The following GNE variants were observed in gnomAD, a reference collection of about 807,000 sequenced individuals.
GNE encodes the protein glucosamine (UDP-N-acetyl)-2-epimerase/N-acetylmannosamine kinase.
A neutral mutation model predicts 61.8 loss-of-function variants in GNE; 41 were observed. The observed-to-expected ratio is 0.66, with a 90% CI of 0.52 to 0.86. GNE has a LOEUF of 0.86. Among genes scored for constraint, GNE ranks in the 40% least tolerant of loss-of-function variants. GNE has a pLI of 0.00. For synonymous variants in GNE, 264 were observed against 326.4 expected, an observed-to-expected ratio of 0.81 and a Z score of 2.06; for missense variants, 608 against 909.1, an observed-to-expected ratio of 0.67 and a Z score of 4.26.
At chr9:36,220,080 C>T in intron 9 of GNE, 60 bp from the exon 10 acceptor site, 1 of 1,317,602 alleles carries the variant, frequency 7.6e-7, no homozygotes, top group African/African-American at 1.4e-5. Flanking sequence ...ACTATGATAT[C>T]ACAACGCCTC....
intron 5 of GNE, among the ~76,000 whole-genome samples, chr9:36,233,477 T>C (rs1829259295): frequency 6.6e-6 from 1 of 152,064 alleles, no homozygotes; most frequent in Non-Finnish European, 1.5e-5. Flanking sequence ...CCATCCTGGC[T>C]AACAAAGTGA....
At chr9:36,272,721 C>T (rs966316069) in intron 1 of GNE, among the ~76,000 whole-genome samples, 4 of 150,094 alleles carry the variant, frequency 2.7e-5, no homozygotes, top group African/African-American at 9.8e-5. Flanking sequence ...TATTTCAGGA[C>T]CTCAACTAAA....
upstream of GNE, chr9:36,258,563 TCCCGTC>T: frequency 2.1e-6 from 2 of 957,034 alleles, no homozygotes; most frequent in Non-Finnish European, 2.5e-6. Context: ...GATTGGCTGC[TCCCGTC>T]CCCGTCCCCC....
chr9:36,272,610 G>T (rs1170146003), intron 1 of GNE, among the ~76,000 whole-genome samples: 31 of 111,064 alleles, frequency 2.8e-4, no homozygotes, highest in Non-Finnish European at 4.6e-4. Flanking sequence ...GACAGAGCGA[G>T]ACTCCGCCTC....
chr9:36,227,790 C>T (rs1480493879), intron 6 of GNE, among the ~76,000 whole-genome samples: 2 of 152,134 alleles, frequency 1.3e-5, no homozygotes, highest in Non-Finnish European at 2.9e-5. Context: ...AATCCTAGCA[C>T]TTTGGGAGGT....
intron 1 of GNE, chr9:36,265,356 A>G (rs537674005): frequency 5.3e-5 from 24 of 452,034 alleles, no homozygotes; most frequent in African/African-American, 4.4e-4. Flanking sequence ...ACCCGCCACC[A>G]TGTTGGGAGC....
chr9:36,223,449 C>T lies in GNE; in HGVS notation c.1335G>A (p.Arg445=). Residue 445 remains arginine (R), a synonymous_variant, in exon 8 of 12, where the codon AGG becomes AGA. Transcript: ENST00000642385. Reference sequence around the variant, plus strand: ...CACACATCTGTAGGATTAAATTAATCCTCTCTTCATAGGTTTTAGGATTGA... The same window carrying T: ...CACACATCTGTAGGATTAAATTAATTCTCTCTTCATAGGTTTTAGGATTGA... ...TQFNPKTYEE[R]INLILQMCVE... The T allele has an allele frequency of 6.2e-7, 1 of 1,610,962 alleles. No homozygotes were observed. The highest frequency in any genetic ancestry group is 1.1e-5 in the South Asian group (1 of 91,002).
At chr9:36,257,182 G>T (rs1382576404) in intron 1 of GNE, among the ~76,000 whole-genome samples, 1 of 152,112 alleles carries the variant, frequency 6.6e-6, no homozygotes, top group Non-Finnish European at 1.5e-5. Flanking sequence ...TGACTTCAGC[G>T]CTCAGAACAC....
chr9:36,231,934 C>T (rs1829172332), intron 5 of GNE, among the ~76,000 whole-genome samples: 1 of 152,146 alleles, frequency 6.6e-6, no homozygotes, highest in Non-Finnish European at 1.5e-5. Flanking sequence ...AATTCAATCC[C>T]TCCCCAAATC....
chr9:36,216,735 G>A lies in GNE; in HGVS notation c.*630C>T, dbSNP rs150102934. The A allele has an allele frequency of 0.036, 5,537 of 151,794 alleles. 329 individuals carry two copies. Among genetic ancestry groups the A allele is most frequent in the African/African-American group, 0.13 (5,122 of 40,438 alleles). The allele number at this position is 151,794 out of a possible 1,614,324, so 9.4% of individuals were successfully genotyped here. A position where few individuals can be genotyped will look rare whatever the true frequency, so the allele number is the denominator to read the frequency against. ...CACCCAGGCTGGAGTGCAGTGGTGC[G>A]GTCTCAGTTCACTGCCAGCTCCGCC... On this transcript the variant is annotated 3_prime_UTR_variant, in exon 12 of 12. Transcript: ENST00000642385.
At position 36,217,536 on chromosome 9, in the gene GNE, G is replaced by A. The variant is rs932366819; in HGVS notation, c.1998C>T (p.Ile666=). 2 of 1,614,022 alleles carry A rather than the reference G, an allele frequency of 1.2e-6. No individual in the cohort carries two copies. The highest frequency in any genetic ancestry group is 1.7e-6 in the Non-Finnish European group (2 of 1,179,980). ...ILHTMNPSLV[I]LSGVLASHYI... is the part of the protein sequence containing the mutation. The stretch of plus-strand genomic sequence containing the variant: ...AGTGACTGGCCAGGACTCCGGAGAG[G>A]ATCACAAGGGAGGGATTCATGGTAT... Residue 666 remains isoleucine, a synonymous_variant, in exon 12 of 12, where the codon ATC becomes ATT. Transcript: ENST00000642385.
chr9:36,235,488 T>C (rs1829353835), intron 4 of GNE, among the ~76,000 whole-genome samples: 1 of 151,946 alleles, frequency 6.6e-6, no homozygotes, highest in South Asian at 2.1e-4. Flanking sequence ...CCCTTTACTT[T>C]CATAGAAAAA....
chr9:36,269,730 T>G lies in GNE; in HGVS notation c.51+7164A>C, dbSNP rs548906242. Among the ~76,000 whole-genome samples, 48 of 150,168 alleles carry G rather than the reference T, an allele frequency of 3.2e-4. 1 individual carries two copies. The highest frequency in any genetic ancestry group is 6.1e-4 in the Admixed American group (9 of 14,802). On this transcript the variant is annotated intron_variant, in intron 1 of 11. Transcript: ENST00000396594. ...AGGCTGGAGTGCAGTGGTGTGATCT[T>G]AGCTCACTGCAACCTCTGCTTCCCA... is the stretch of plus-strand genomic sequence containing the variant.
Position 36,219,963 on chromosome 9 carries a change from G to T in GNE, c.1691C>A (p.Ala564Asp). 6.2e-7 allele frequency: 1 copy of T among 1,613,962 alleles called. No homozygotes were observed. Among genetic ancestry groups the T allele is most frequent in the Non-Finnish European group, 8.5e-7 (1 of 1,179,810 alleles). Residue 564 changes from alanine (A) to aspartate (D), a missense_variant, in exon 10 of 12, where the codon GCT becomes GAT. Physicochemically the swap from Ala to Asp is moderately radical, Grantham distance 126 (BLOSUM62 -2). Coordinates refer to ENST00000642385, the MANE Select transcript of GNE (RefSeq NM_005476.7). ...HELIHGSSFC[A>D]AELGHLVVSL... Reference sequence around the variant, plus strand: ...CACAACAAGGTGGCCCAGTTCTGCAGCACAGAAGGAGCTTCCGTGGATCAA... The same window carrying T: ...CACAACAAGGTGGCCCAGTTCTGCATCACAGAAGGAGCTTCCGTGGATCAA...
Position 36,258,388 on chromosome 9 carries a change from C to T in GNE, c.-110G>A. 1.0e-6 allele frequency: 1 copy of T among 985,556 alleles called. No homozygotes were observed. The highest frequency in any genetic ancestry group is 1.2e-6 in the Non-Finnish European group (1 of 830,020). The allele number at this position is 985,556 out of a possible 1,614,324, so 61.1% of individuals were successfully genotyped here. On this transcript the variant is annotated 5_prime_UTR_variant, in exon 1 of 12. Transcript: ENST00000642385. ...CTCGGGCGAGGGACGAACCAAGCGC[C>T]ACGAAGCAGGCAGAGCGCGAGCCTG...
rs1587296225 is a variant in GNE, at chr9:36,227,771, C to T, written c.1071-313G>A. Among the ~76,000 whole-genome samples, 6 of 152,130 alleles carry T rather than the reference C, an allele frequency of 3.9e-5. No homozygotes were observed. In the South Asian group the frequency reaches 1.2e-3, roughly 31 times the overall value. ...AATAAATAGGCTGGGTGCAGTGGCT[C>T]ATACCTGTAATCCTAGCACTTTGGG... On this transcript the variant is annotated intron_variant, in intron 6 of 11. Coordinates refer to ENST00000642385, the MANE Select transcript of GNE (RefSeq NM_005476.7).
intron 3 of GNE, among the ~76,000 whole-genome samples, chr9:36,237,585 G>A (rs566731893): frequency 3.3e-5 from 5 of 152,060 alleles, no homozygotes; most frequent in East Asian, 1.9e-4. Flanking sequence ...GTCAAACAAC[G>A]CAAGGTATTT....
At chr9:36,242,744 T>G (rs1445220199) in intron 3 of GNE, among the ~76,000 whole-genome samples, 2 of 145,150 alleles carry the variant, frequency 1.4e-5, no homozygotes, top group East Asian at 2.0e-4. Context: ...TTTTTTTTTT[T>G]TTTTTTTTTT....
chr9:36,258,258 G>A, intron 1 of GNE, 63 bp downstream of exon 1: 1 of 921,440 alleles, frequency 1.1e-6, no homozygotes. Flanking sequence ...GAGGCCGGGG[G>A]AGGCGGCCCT....
Sources: gnomAD v4.1 joint callset for allele counts (sites outside exome capture counted in the v4.1 genomes callset) on GRCh38, gnomAD v4.1.1 for gene constraint, MANE v1.5 for transcripts, NCBI Gene and HGNC (gene_info 2026-07-23, HGNC 2026-07-21) for gene names.